ARHGAP10: variants seen among roughly 807,000 people sequenced by gnomAD.
The protein encoded by ARHGAP10 is rho GTPase-activating protein 10.
ARHGAP10 carries 87 observed loss-of-function variants against 108.6 expected under a neutral mutation model. That is an observed-to-expected ratio of 0.80 (90% CI 0.67 to 0.96). The LOEUF (loss-of-function observed/expected upper bound fraction) is 0.96. ARHGAP10 is among the 40% of genes least tolerant of loss of function. ARHGAP10 has a pLI of 0.00. For synonymous variants in ARHGAP10, 347 were observed against 341.1 expected (o/e 1.02, Z -0.19); for missense variants, 939 against 954.5 (o/e 0.98, Z 0.21).
intron 18 of ARHGAP10, among the ~76,000 whole-genome samples, chr4:147,997,664 A>T (rs956163913): frequency 1.3e-5 from 2 of 152,076 alleles, no homozygotes; most frequent in Non-Finnish European, 2.9e-5. Flanking sequence ...AAACAACAGA[A>T]TTTTTTTTGT....
chr4:147,964,927 T>C, intron 16 of ARHGAP10, 97 bp from the exon 17 acceptor site: 1 of 808,086 alleles, frequency 1.2e-6, no homozygotes, highest in Non-Finnish European at 1.8e-6. Flanking sequence ...GGAGCTGTTG[T>C]CATTGTCTTG....
chr4:147,870,215 A>G (rs374031511), intron 7 of ARHGAP10, among the ~76,000 whole-genome samples: 173 of 151,902 alleles, frequency 1.1e-3, no homozygotes, highest in African/African-American at 4.0e-3. Context: ...ACCTGCCACC[A>G]TGCCCGGCTA....
chr4:147,938,275 C>T (rs1738030722), intron 13 of ARHGAP10, among the ~76,000 whole-genome samples: 1 of 151,996 alleles, frequency 6.6e-6, no homozygotes, highest in Non-Finnish European at 1.5e-5. Flanking sequence ...AGGCTTAGTA[C>T]CTGGGTGATG....
chr4:148,065,570 C>CAG (rs1438268450), intron 22 of ARHGAP10: 1 of 152,166 alleles, frequency 6.6e-6, no homozygotes, highest in Non-Finnish European at 1.5e-5. Context: ...AACATACATG[C>CAG]AGTTTTGCCA....
chr4:147,884,675 C>G (rs916486234), intron 10 of ARHGAP10, among the ~76,000 whole-genome samples: 1 of 152,016 alleles, frequency 6.6e-6, no homozygotes. Context: ...AAAGGGTTAT[C>G]TGGAGTCAGC....
At chr4:147,791,997 C>T (rs1037137118) in intron 1 of ARHGAP10, among the ~76,000 whole-genome samples, 2 of 152,088 alleles carry the variant, frequency 1.3e-5, no homozygotes, top group Non-Finnish European at 2.9e-5. Context: ...TCTCCTGACG[C>T]GTGTATGATG....
intron 19 of ARHGAP10, among the ~76,000 whole-genome samples, chr4:148,044,918 C>T (rs776627997): frequency 1.2e-4 from 19 of 152,108 alleles, no homozygotes; most frequent in African/African-American, 4.6e-4. Context: ...ATTAGCTAAA[C>T]GTTTTTTGTG....
At chr4:147,799,593 C>T (rs1377608173) in intron 1 of ARHGAP10, among the ~76,000 whole-genome samples, 2 of 152,114 alleles carry the variant, frequency 1.3e-5, no homozygotes, top group African/African-American at 4.8e-5. Context: ...CTGTCATTTT[C>T]ATCCTACTAT....
chr4:147,970,591 T>C (rs1739368961), intron 18 of ARHGAP10, among the ~76,000 whole-genome samples: 1 of 152,066 alleles, frequency 6.6e-6, no homozygotes, highest in Admixed American at 6.6e-5. Context: ...AAATGTTGAC[T>C]CCAGGAAAGT....
chr4:147,960,375 T>C (rs1738947660), intron 16 of ARHGAP10, among the ~76,000 whole-genome samples: 1 of 152,196 alleles, frequency 6.6e-6, no homozygotes, highest in African/African-American at 2.4e-5. Context: ...TCTCAAATAC[T>C]ATTATTAGGG....
intron 3 of ARHGAP10, among the ~76,000 whole-genome samples, chr4:147,833,172 C>T (rs554746979): frequency 3.3e-5 from 5 of 152,224 alleles, no homozygotes; most frequent in Admixed American, 1.3e-4. Flanking sequence ...TGTGGTGATA[C>T]GGTTTGGCTC....
chr4:148,020,582 T>C (rs1741531193), intron 18 of ARHGAP10, among the ~76,000 whole-genome samples: 1 of 151,446 alleles, frequency 6.6e-6, no homozygotes, highest in Non-Finnish European at 1.5e-5. Context: ...GTGCTGAGGA[T>C]AATGGCTTCC....
chr4:147,862,668 T>TG (rs1177525582), intron 5 of ARHGAP10: 2 of 151,938 alleles, frequency 1.3e-5, no homozygotes, highest in African/African-American at 2.4e-5. Flanking sequence ...ATTAAGGGGG[T>TG]GGTGATAGAG....
chr4:147,876,091 A>G (rs943846798), intron 8 of ARHGAP10, among the ~76,000 whole-genome samples: 2 of 152,234 alleles, frequency 1.3e-5, no homozygotes, highest in Non-Finnish European at 2.9e-5. Context: ...GGGAACGGTT[A>G]CAGGGTATCT....
At chr4:147,911,425 C>T (rs1195867592) in intron 12 of ARHGAP10, among the ~76,000 whole-genome samples, 2 of 152,204 alleles carry the variant, frequency 1.3e-5, no homozygotes, top group South Asian at 2.1e-4. Context: ...TGCAGGGGCG[C>T]AATTTCAGCT....
At chr4:147,969,381 C>A (rs1335131785) in intron 18 of ARHGAP10, among the ~76,000 whole-genome samples, 1 of 117,876 alleles carries the variant, frequency 8.5e-6, no homozygotes, top group Non-Finnish European at 1.7e-5. Context: ...CTTTTATGAT[C>A]CTGTCAAACT....
chr4:148,050,631 C>CCAAA (rs1729095918), intron 20 of ARHGAP10, among the ~76,000 whole-genome samples: 1 of 152,080 alleles, frequency 6.6e-6, no homozygotes, highest in African/African-American at 2.4e-5. Context: ...CCTCGGCCTC[C>CCAAA]CAAAGTGCTG....
chr4:148,070,551 A>G (rs1334428089), intron 22 of ARHGAP10, among the ~76,000 whole-genome samples: 3 of 152,222 alleles, frequency 2.0e-5, no homozygotes, highest in South Asian at 4.1e-4. Flanking sequence ...CATGAACTCA[A>G]TTCGCTGAGT....
chr4:147,899,930 C>A (rs1225048642), intron 10 of ARHGAP10, among the ~76,000 whole-genome samples: 2 of 148,282 alleles, frequency 1.3e-5, no homozygotes, highest in African/African-American at 2.5e-5. Flanking sequence ...ATAGAATATT[C>A]CTGATTGTTA....
Sources: gnomAD v4.1 joint callset for allele counts (sites outside exome capture counted in the v4.1 genomes callset) on GRCh38, gnomAD v4.1.1 for gene constraint, MANE v1.5 for transcripts, NCBI Gene and HGNC (gene_info 2026-07-23, HGNC 2026-07-21) for gene names.